HECW1: variants seen among roughly 807,000 people sequenced by gnomAD.
HECW1 encodes the protein E3 ubiquitin-protein ligase HECW1.
In HECW1, 61 loss-of-function variants were observed where a neutral mutation model predicts 182.3. The ratio of observed to expected loss-of-function variants is 0.33; its 90% CI spans 0.27 to 0.41. HECW1 has a LOEUF of 0.41. Among genes scored for constraint, HECW1 ranks in the 10% least tolerant of loss-of-function variants. HECW1 has a pLI of 1.00. For missense variants in HECW1, 1,739 were observed against 2,108.9 expected (o/e 0.82, Z 3.44); for synonymous variants, 859 against 832.6 (o/e 1.03, Z -0.55).
rs2077017486 is a variant in HECW1, at chr7:43,445,328, TCTC to T, written c.2161_2163del (p.Ser721del). 5 of 1,613,590 alleles carry T rather than the reference TCTC, an allele frequency of 3.1e-6. No individual in the cohort carries two copies. Among genetic ancestry groups the T allele is most frequent in the Non-Finnish European group, 4.2e-6 (5 of 1,180,028 alleles). On this transcript the variant is annotated inframe_deletion, in exon 11 of 30. Transcript: ENST00000395891. ...AACAGGTTCGCCAGCCACACGCGCT[TCTC>T]CTCCGTGGACAGCGCCAAGATCTCC...
chr7:43,210,310 A>G (rs1795892776), intron 2 of HECW1, among the ~76,000 whole-genome samples: 2 of 152,104 alleles, frequency 1.3e-5, no homozygotes, highest in South Asian at 4.1e-4. Context: ...TGATGAGGTG[A>G]GAATAGGAAA....
intron 6 of HECW1, among the ~76,000 whole-genome samples, chr7:43,376,230 A>G (rs573138757): frequency 2.0e-5 from 3 of 152,256 alleles, no homozygotes; most frequent in African/African-American, 7.2e-5. Context: ...AAAAAGTAAA[A>G]TAGTACATGT....
chr7:43,531,361 A>C (rs2080980833), intron 24 of HECW1, among the ~76,000 whole-genome samples: 1 of 152,114 alleles, frequency 6.6e-6, no homozygotes, highest in African/African-American at 2.4e-5. Flanking sequence ...GAGATACTGC[A>C]TTGCTGTGTC....
chr7:43,165,427 G>A (rs1402124660), intron 2 of HECW1, among the ~76,000 whole-genome samples: 1 of 151,604 alleles, frequency 6.6e-6, no homozygotes, highest in Non-Finnish European at 1.5e-5. Flanking sequence ...TGTGCACACA[G>A]GTATGTGTGT....
chr7:43,221,566 T>G (rs1029831746), intron 2 of HECW1, among the ~76,000 whole-genome samples: 5 of 76,570 alleles, frequency 6.5e-5, no homozygotes, highest in East Asian at 3.2e-4. Flanking sequence ...TTTTTTTTTT[T>G]TTTTTTTTTT....
At chr7:43,305,534 A>G (rs943885194) in intron 3 of HECW1, among the ~76,000 whole-genome samples, 7 of 152,130 alleles carry the variant, frequency 4.6e-5, no homozygotes, top group African/African-American at 1.7e-4. Flanking sequence ...TTTTATTAAC[A>G]TTCTGAGCTG....
intron 6 of HECW1, among the ~76,000 whole-genome samples, chr7:43,381,488 ATTTTTTTT>A (rs34238162): frequency 7.4e-6 from 1 of 135,034 alleles, no homozygotes; most frequent in Non-Finnish European, 1.6e-5. Flanking sequence ...TGCATGGCTA[ATTTTTTTT>A]TTTTTTTTTT....
intron 16 of HECW1, among the ~76,000 whole-genome samples, chr7:43,474,268 T>G (rs755967678): frequency 6.6e-6 from 1 of 151,986 alleles, no homozygotes; most frequent in African/African-American, 2.4e-5. Context: ...GCTAACATGG[T>G]GAAACCCCGT....
intron 5 of HECW1, among the ~76,000 whole-genome samples, chr7:43,347,011 T>C (rs1272998850): frequency 6.6e-6 from 1 of 152,222 alleles, no homozygotes; most frequent in Non-Finnish European, 1.5e-5. Flanking sequence ...TAGAATTGTG[T>C]CTTCTAATGC....
intron 7 of HECW1, among the ~76,000 whole-genome samples, chr7:43,402,358 G>T (rs2075453667): frequency 6.6e-6 from 1 of 152,126 alleles, no homozygotes. Context: ...TCCTGCACCT[G>T]CCCGTCTGCA....
In HECW1 at chr7:43,114,254, G is replaced by A; in HGVS notation, c.-169G>A. The A allele has an allele frequency of 1.5e-6, 2 of 1,363,370 alleles. No individual in the cohort carries two copies. Among genetic ancestry groups the A allele is most frequent in the Non-Finnish European group, 1.9e-6 (2 of 1,034,742 alleles). The allele number at this position is 1,363,370 out of a possible 1,614,324, so 84.5% of individuals were successfully genotyped here. The stretch of plus-strand genomic sequence containing the variant: ...CTCTCTTTTCCTGGGATTTAAACGC[G>A]ATTTAGGAGGGCAGATGCCCTACCC... On this transcript the variant is annotated 5_prime_UTR_variant, in exon 2 of 30. Coordinates refer to ENST00000395891, the MANE Select transcript of HECW1 (RefSeq NM_015052.5).
At chr7:43,486,363 A>T (rs2078639494) in intron 17 of HECW1, among the ~76,000 whole-genome samples, 1 of 151,294 alleles carries the variant, frequency 6.6e-6, no homozygotes, top group South Asian at 2.1e-4. Context: ...GTGCAATGGC[A>T]CGATCTTGGC....
rs79655368 is a variant in HECW1 at position 43,554,586 on chromosome 7, G to T, written c.4511-6G>T. On this transcript the variant is annotated splice_region_variant and splice_polypyrimidine_tract_variant and intron_variant, in intron 28 of 29. Transcript: ENST00000395891. ...CTGTCTTCCTCCCTCCCTTTGCCTC[G>T]TGCAGGTTACCACGATGGGCATCTT... is the stretch of plus-strand genomic sequence containing the variant. 2 of 1,610,000 alleles carry T rather than the reference G, an allele frequency of 1.2e-6. No individual in the cohort carries two copies. The highest frequency in any genetic ancestry group is 1.7e-6 in the Non-Finnish European group (2 of 1,177,778).
At chr7:43,538,411 G>A (rs995431860) in intron 24 of HECW1, among the ~76,000 whole-genome samples, 7 of 152,182 alleles carry the variant, frequency 4.6e-5, no homozygotes, top group Admixed American at 2.0e-4. Context: ...TAGCACAAGA[G>A]ATGTTGGTAG....
chr7:43,350,184 A>G (rs549234040), intron 5 of HECW1, among the ~76,000 whole-genome samples: 1 of 152,322 alleles, frequency 6.6e-6, no homozygotes, highest in Admixed American at 6.5e-5. Context: ...GAGGCTGAAG[A>G]TAGAGCCCCA....
At chr7:43,467,675 G>A (rs755615303) in intron 15 of HECW1, among the ~76,000 whole-genome samples, 1 of 152,242 alleles carries the variant, frequency 6.6e-6, no homozygotes, top group African/African-American at 2.4e-5. Context: ...CTAAGGAAGG[G>A]GTGGGAGCAT....
At position 43,412,560 on chromosome 7, in the gene HECW1, G is replaced by A. The variant is rs1470528724; in HGVS notation, c.801+4829G>A. 7.5e-5 allele frequency among the ~76,000 whole-genome samples: 11 copies of A among 147,480 alleles called. No individual in the cohort carries two copies. In the South Asian group the frequency reaches 8.7e-4, roughly 12 times the overall value. ...GCTGGTGCGCTGCACCCACTAACTCGTCATCTAGCATTAGGTATATCTCCC... is the reference window on the plus strand; with the variant it reads ...GCTGGTGCGCTGCACCCACTAACTCATCATCTAGCATTAGGTATATCTCCC... On this transcript the variant is annotated intron_variant, in intron 8 of 29. Transcript: ENST00000395891.
In HECW1 at chr7:43,565,753, T is replaced by G; in HGVS notation, c.*3827T>G. ...CCCTTTGTTCTAGTAGGAAAAAAGG[T>G]GCCTAGAGGTAGTATATAGAGTAAA... On this transcript the variant is annotated 3_prime_UTR_variant, in exon 30 of 30. Coordinates refer to ENST00000395891, the MANE Select transcript of HECW1 (RefSeq NM_015052.5). 2 of 185,266 alleles carry G rather than the reference T, an allele frequency of 1.1e-5. No homozygotes were observed. 11.5% of individuals were successfully genotyped at this position (185,266 alleles called of 1,614,324 possible).
At chr7:43,360,195 T>C (rs1815691836) in intron 5 of HECW1, among the ~76,000 whole-genome samples, 1 of 151,240 alleles carries the variant, frequency 6.6e-6, no homozygotes, top group African/African-American at 2.4e-5. Flanking sequence ...TACATTCTGC[T>C]TAACCATTTA....
Sources: gnomAD v4.1 joint callset for allele counts (sites outside exome capture counted in the v4.1 genomes callset) on GRCh38, gnomAD v4.1.1 for gene constraint, MANE v1.5 for transcripts, NCBI Gene and HGNC (gene_info 2026-07-23, HGNC 2026-07-21) for gene names.